Variants in CDK19 observed in about 807,000 individuals in gnomAD.
CDK19 encodes the protein cyclin dependent kinase 19, also known as cyclin-dependent kinase 19.
A neutral mutation model predicts 68.3 loss-of-function variants in CDK19; 20 were observed. The ratio of observed to expected loss-of-function variants is 0.29; its 90% confidence interval spans 0.21 to 0.43. The LOEUF (loss-of-function observed/expected upper bound fraction) is 0.43, where lower values mean the gene tolerates loss of function less well. CDK19 is among the 20% of genes least tolerant of loss of function. The pLI is 1.00. For missense variants in CDK19, 339 were observed against 623.5 expected (o/e 0.54, Z 4.86); for synonymous variants, 221 against 222.8 (o/e 0.99, Z 0.07).
At chr6:110,730,877 C>T (rs1441376391) in intron 2 of CDK19, among the ~76,000 whole-genome samples, 1 of 152,062 alleles carries the variant, frequency 6.6e-6, no homozygotes, top group Non-Finnish European at 1.5e-5. Context: ...CATGGTGATA[C>T]CCCATCTCTA....
rs772138651 is a variant in CDK19 at position 110,766,712 on chromosome 6, T to C, written c.129-20511A>G. Among the ~76,000 whole-genome samples the C allele has an allele frequency of 5.9e-5, 9 of 152,214 alleles. 1 individual carries two copies. Among genetic ancestry groups the C allele is most frequent in the Non-Finnish European group, 1.0e-4 (7 of 68,042 alleles). ...ACTTATGTGTAGGAGTACAAAAAGTTGATCCTACCTAGTGCAATGGCTCAT... is the reference window on the plus strand; with the variant it reads ...ACTTATGTGTAGGAGTACAAAAAGTCGATCCTACCTAGTGCAATGGCTCAT... On this transcript the variant is annotated intron_variant, in intron 1 of 12. Transcript: ENST00000368911.
chr6:110,743,413 G>A (rs180944599), intron 2 of CDK19, among the ~76,000 whole-genome samples: 35 of 152,222 alleles, frequency 2.3e-4, no homozygotes, highest in East Asian at 9.7e-4. Flanking sequence ...AGGTTGTGGC[G>A]GGTGGATCAC....
intron 1 of CDK19, among the ~76,000 whole-genome samples, chr6:110,755,277 G>A (rs1778759909): frequency 1.3e-5 from 2 of 151,918 alleles, no homozygotes; most frequent in African/African-American, 4.8e-5. Context: ...CTGACCTCAG[G>A]TGACCCGCTT....
chr6:110,646,293 C>CT (rs1780569314), intron 4 of CDK19: 20 of 1,506,154 alleles, frequency 1.3e-5, no homozygotes, highest in Non-Finnish European at 1.8e-5. Flanking sequence ...CATGTGCAAG[C>CT]ACAAGGTGCT....
chr6:110,815,427 T>G lies in CDK19; in HGVS notation c.-291A>C. ...TTCATTTCCTTGTTTTGGAACCTGG[T>G]GGGCCGCGCCGTGGCTTCCTCGAGC... On this transcript the variant is annotated 5_prime_UTR_variant, in exon 1 of 13. Transcript: ENST00000368911. The G allele has an allele frequency of 3.7e-6, 1 of 268,476 alleles. No homozygotes were observed. The allele number at this position is 268,476 out of a possible 1,614,324, so 16.6% of individuals were successfully genotyped here.
intron 1 of CDK19, among the ~76,000 whole-genome samples, chr6:110,766,017 G>A (rs1177570505): frequency 6.6e-6 from 1 of 152,106 alleles, no homozygotes; most frequent in Non-Finnish European, 1.5e-5. Context: ...AATTAATACA[G>A]CCATTATGGA....
At chr6:110,744,961 T>C (rs1777970909) in intron 2 of CDK19, among the ~76,000 whole-genome samples, 1 of 152,198 alleles carries the variant, frequency 6.6e-6, no homozygotes, top group East Asian at 1.9e-4. Context: ...ATGTAATAGT[T>C]ATTAAATTAG....
chr6:110,739,139 T>C (rs1374341846), intron 2 of CDK19, among the ~76,000 whole-genome samples: 1 of 152,246 alleles, frequency 6.6e-6, no homozygotes, highest in Non-Finnish European at 1.5e-5. Flanking sequence ...TGAATGTTTA[T>C]GCCCCTTGCC....
chr6:110,730,030 T>C (rs1398990896), intron 2 of CDK19, among the ~76,000 whole-genome samples: 1 of 152,184 alleles, frequency 6.6e-6, no homozygotes, highest in Non-Finnish European at 1.5e-5. Flanking sequence ...TCCACTGTTA[T>C]AAGCAAGGCT....
At chr6:110,734,520 G>GCTCTCTCT (rs34004722) in intron 2 of CDK19, among the ~76,000 whole-genome samples, 2,219 of 85,716 alleles carry the variant, frequency 0.026, 258 homozygotes, top group Middle Eastern at 0.066. Flanking sequence ...GGTGAGCACT[G>GCTCTCTCT]CTCTCTCTCT....
At chr6:110,771,534 G>C (rs1162344762) in intron 1 of CDK19, among the ~76,000 whole-genome samples, 9 of 152,218 alleles carry the variant, frequency 5.9e-5, no homozygotes, top group Admixed American at 5.9e-4. Context: ...CCTGTGATGG[G>C]AGAGGCTGCC....
chr6:110,782,441 T>C (rs1242694705), intron 1 of CDK19, among the ~76,000 whole-genome samples: 1 of 152,142 alleles, frequency 6.6e-6, no homozygotes, highest in Non-Finnish European at 1.5e-5. Flanking sequence ...AAGAAACAGG[T>C]CCTCGTCATT....
chr6:110,749,358 C>T lies in CDK19; in HGVS notation c.129-3157G>A, dbSNP rs1292613986. Among the ~76,000 whole-genome samples, 5 of 152,146 alleles carry T rather than the reference C, an allele frequency of 3.3e-5. No homozygotes were observed. In the South Asian group the frequency reaches 6.2e-4, roughly 19 times the overall value. ...TTGACACAGACCAATTCTATTAGGT[C>T]TTCCATCTGAGACACTATGTTCCTT... On this transcript the variant is annotated intron_variant, in intron 1 of 12. Transcript: ENST00000368911.
In CDK19 at chr6:110,746,131, T is replaced by TA; in HGVS notation, c.198_199insT (p.Ile67TyrfsTer11). 6.4e-7 allele frequency: 1 copy of TA among 1,567,624 alleles called. No individual in the cohort carries two copies. Among genetic ancestry groups the TA allele is most frequent in the South Asian group, 1.2e-5 (1 of 85,270 alleles). On this transcript the variant is annotated frameshift_variant, in exon 2 of 13. Coordinates refer to ENST00000368911, the MANE Select transcript of CDK19 (RefSeq NM_015076.5). LOFTEE classifies it high-confidence loss of function. ...CTGTATTTGTATCCACTTACTGCAA[T>TA]CTCTCTACAAGCCGACATGGATATT...
At chr6:110,692,983 C>T (rs1211053854) in intron 2 of CDK19, among the ~76,000 whole-genome samples, 1 of 152,040 alleles carries the variant, frequency 6.6e-6, no homozygotes, top group South Asian at 2.1e-4. Context: ...GGCAACAAAG[C>T]AAGACTCCAT....
chr6:110,703,120 C>T (rs1265818251), intron 2 of CDK19, among the ~76,000 whole-genome samples: 1 of 152,112 alleles, frequency 6.6e-6, no homozygotes, highest in Non-Finnish European at 1.5e-5. Flanking sequence ...ATCATGAAAT[C>T]CATCTATTCA....
In CDK19 at chr6:110,780,833, A is replaced by G. The variant is rs114329372; in HGVS notation, c.128+34176T>C. Among the ~76,000 whole-genome samples the G allele has an allele frequency of 5.2e-3, 787 of 152,216 alleles. 6 individuals carry two copies. Among genetic ancestry groups the G allele is most frequent in the African/African-American group, 0.018 (765 of 41,540 alleles). On this transcript the variant is annotated intron_variant, in intron 1 of 12. Coordinates refer to ENST00000368911, the MANE Select transcript of CDK19 (RefSeq NM_015076.5). ...CTGGAAGATTTCCCATCTTCCAGAG[A>G]TGAGAAAGCAGACAGGAGGTGGCAT...
At chr6:110,702,936 T>C (rs912029979) in intron 2 of CDK19, among the ~76,000 whole-genome samples, 3 of 152,262 alleles carry the variant, frequency 2.0e-5, no homozygotes, top group Non-Finnish European at 4.4e-5. Context: ...AATTGTGATA[T>C]TGTTTGAATT....
chr6:110,623,755 TATATATATACACATATATATAC>T (rs1562129678), intron 8 of CDK19, among the ~76,000 whole-genome samples: 2 of 89,200 alleles, frequency 2.2e-5, no homozygotes, highest in African/African-American at 1.1e-4. Flanking sequence ...TATATATACA[TATATATATACACATATATATAC>T]ATATATACAC....
Sources: gnomAD v4.1 joint callset for allele counts (sites outside exome capture counted in the v4.1 genomes callset) on GRCh38, gnomAD v4.1.1 for gene constraint, MANE v1.5 for transcripts, NCBI Gene and HGNC (gene_info 2026-07-23, HGNC 2026-07-21) for gene names.